The following CD99 variants were observed in gnomAD, a reference collection of about 807,000 sequenced individuals.
CD99 encodes CD99 molecule (Xg blood group).
Under a neutral mutation model 28.4 loss-of-function variants are expected in CD99, and 19 were observed. That is an observed-to-expected ratio of 0.67 (90% CI 0.47 to 0.98). The LOEUF (loss-of-function observed/expected upper bound fraction) is 0.98, where lower values mean the gene tolerates loss of function less well. Ranked by LOEUF, CD99 falls within the 50% of genes least tolerant of loss-of-function variation. CD99 has a pLI of 0.00. For synonymous variants in CD99, 103 were observed against 92.1 expected (o/e 1.12, Z -0.67); for missense variants, 283 against 248.8 (o/e 1.14, Z -0.92).
At chrX:2,697,684 G>T (rs1045412540) in intron 1 of CD99, among the ~76,000 whole-genome samples, 2 of 152,240 alleles carry the variant, frequency 1.3e-5, no homozygotes, top group African/African-American at 4.8e-5. Flanking sequence ...GGACTTGGAG[G>T]CATAGAGATT....
intron 1 of CD99, among the ~76,000 whole-genome samples, chrX:2,714,166 G>A (rs1410169029): frequency 1.3e-5 from 2 of 152,064 alleles, no homozygotes; most frequent in Admixed American, 6.5e-5. Flanking sequence ...CAAAATGATC[G>A]TGTTTTTACA....
At chrX:2,739,158 C>T (rs941611166) in intron 9 of CD99, among the ~76,000 whole-genome samples, 8 of 152,078 alleles carry the variant, frequency 5.3e-5, no homozygotes, top group African/African-American at 1.4e-4. Context: ...CGTGAACTAC[C>T]GCACCCAGCC....
chrX:2,697,096 C>G (rs1410933355), intron 1 of CD99, among the ~76,000 whole-genome samples: 2 of 152,066 alleles, frequency 1.3e-5, no homozygotes, highest in Non-Finnish European at 2.9e-5. Context: ...CCACAGGGTA[C>G]ATGGAAAGCC....
intron 1 of CD99, among the ~76,000 whole-genome samples, chrX:2,713,993 C>T (rs928312449): frequency 6.6e-6 from 1 of 152,064 alleles, no homozygotes; most frequent in Non-Finnish European, 1.5e-5. Flanking sequence ...GCATAATGCA[C>T]GTGTCTTTCT....
rs1192521518 is a variant in CD99 at position 2,717,020 on chromosome X, T to G, written c.101-585T>G. Among the ~76,000 whole-genome samples, 4 of 152,288 alleles carry G rather than the reference T, an allele frequency of 2.6e-5. No homozygotes were observed. The East Asian group carries it at 7.7e-4, about 29-fold the overall frequency. On this transcript the variant is annotated intron_variant, in intron 2 of 9. Transcript: ENST00000381192. Reference sequence around the variant, plus strand: ...TTTGCCATTCTCCTGCCTTCCTGGCTTATGTCTCAGTCATAGTCCCATTCA... The same window carrying G: ...TTTGCCATTCTCCTGCCTTCCTGGCGTATGTCTCAGTCATAGTCCCATTCA...
chrX:2,732,773 T>C (rs187519252), intron 8 of CD99, among the ~76,000 whole-genome samples: 2,059 of 143,594 alleles, frequency 0.014, 43 homozygotes, highest in African/African-American at 0.049. Context: ...CCTTTTCCCC[T>C]CTCCATCCCT....
At chrX:2,723,621 G>A (rs28360753) in intron 7 of CD99, among the ~76,000 whole-genome samples, 2,699 of 152,204 alleles carry the variant, frequency 0.018, 76 homozygotes, top group African/African-American at 0.062. Context: ...CTGGCGACCC[G>A]ACCCCTACAT....
At chrX:2,735,951 C>T (rs2049908713) in intron 8 of CD99, among the ~76,000 whole-genome samples, 2 of 151,904 alleles carry the variant, frequency 1.3e-5, no homozygotes, top group Admixed American at 1.3e-4. Context: ...ACCTGTAATC[C>T]CAGCATTTTG....
chrX:2,726,407 G>T (rs1282555364), intron 8 of CD99, 34 bp downstream of exon 8: 2 of 1,326,138 alleles, frequency 1.5e-6, no homozygotes, highest in Non-Finnish European at 2.2e-6. Flanking sequence ...TCTCCTTCAT[G>T]CCTTGCTGAT....
At chrX:2,722,964 A>G (rs2049074200) in intron 6 of CD99, among the ~76,000 whole-genome samples, 1 of 152,102 alleles carries the variant, frequency 6.6e-6, no homozygotes, top group Admixed American at 6.5e-5. Context: ...CTCCTCACCC[A>G]TCCGTTCACC....
chrX:2,715,953 A>G (rs1231315796), intron 2 of CD99, among the ~76,000 whole-genome samples: 1 of 151,298 alleles, frequency 6.6e-6, no homozygotes, highest in Admixed American at 6.6e-5. Flanking sequence ...AAGATCACCT[A>G]TTGAGGTTTG....
At chrX:2,730,648 T>C (rs1319650201) in intron 8 of CD99, among the ~76,000 whole-genome samples, 1 of 152,182 alleles carries the variant, frequency 6.6e-6, no homozygotes, top group Non-Finnish European at 1.5e-5. Context: ...GTTTGCTTTC[T>C]AGTTATCCTG....
Position 2,740,882 on chromosome X carries a change from C to T in CD99, c.*78C>T, listed in dbSNP as rs1247215462. ...CCTGAGGCTCCTCCCTGAAGGACAC[C>T]TGCCTGAGAGCAGAGATGGAGGCCT... On this transcript the variant is annotated 3_prime_UTR_variant, in exon 10 of 10. Transcript: ENST00000381192. 2.0e-6 allele frequency: 3 copies of T among 1,498,872 alleles called. No individual in the cohort carries two copies. In the African/African-American group the frequency reaches 4.1e-5, roughly 21 times the overall value. The allele number at this position is 1,498,872 out of a possible 1,614,324, so 92.8% of individuals were successfully genotyped here.
intron 1 of CD99, among the ~76,000 whole-genome samples, chrX:2,706,725 G>A (rs2048134396): frequency 6.6e-6 from 1 of 152,104 alleles, no homozygotes; most frequent in Non-Finnish European, 1.5e-5. Flanking sequence ...CTTAAATGAT[G>A]TCCCTGGCTG....
chrX:2,702,818 T>G (rs2109562), intron 1 of CD99, among the ~76,000 whole-genome samples: 8,355 of 152,100 alleles, frequency 0.055, 316 homozygotes, highest in East Asian at 0.17. Context: ...GTCTCCCTCT[T>G]TCGCCAAGGC....
At chrX:2,709,854 C>A (rs1232904917) in intron 1 of CD99, among the ~76,000 whole-genome samples, 2 of 152,134 alleles carry the variant, frequency 1.3e-5, no homozygotes, top group Non-Finnish European at 2.9e-5. Context: ...CAGCAAGAAG[C>A]ATGGACCTAA....
At chrX:2,692,605 A>G (rs1371761258) in intron 1 of CD99, among the ~76,000 whole-genome samples, 1 of 152,106 alleles carries the variant, frequency 6.6e-6, no homozygotes, top group Admixed American at 6.5e-5. Context: ...AACTTGGAGG[A>G]CTTTCCAGCC....
At chrX:2,728,604 A>G (rs1029792316) in intron 8 of CD99, among the ~76,000 whole-genome samples, 2 of 152,192 alleles carry the variant, frequency 1.3e-5, no homozygotes, top group African/African-American at 4.8e-5. Context: ...GTTGGAAAAA[A>G]GCAAACAGCA....
At position 2,695,592 on chromosome X, in the gene CD99, T is replaced by G. The variant is rs903100709; in HGVS notation, c.67+4165T>G. ...GTGCCTGGCCACTTTTAAATTTTTT[T>G]GTAGAGACAGGGTCTTGCTATGTTG... On this transcript the variant is annotated intron_variant, in intron 1 of 9. Coordinates refer to ENST00000381192, the MANE Select transcript of CD99 (RefSeq NM_002414.5). Among the ~76,000 whole-genome samples, 26 of 151,772 alleles carry G rather than the reference T, an allele frequency of 1.7e-4. 2 individuals carry two copies. Among genetic ancestry groups the G allele is most frequent in the Admixed American group, 1.2e-3 (18 of 15,242 alleles).
Sources: allele counts gnomAD v4.1 joint callset (sites outside exome capture counted in the v4.1 genomes callset), GRCh38; gene constraint gnomAD v4.1.1; transcripts MANE v1.5; gene names NCBI Gene and HGNC (gene_info 2026-07-23, HGNC 2026-07-21).